The following NTM variants were observed in gnomAD, a reference collection of about 807,000 sequenced individuals.
NTM encodes IgLON family member 2.
In NTM, 13 loss-of-function variants were observed where a neutral mutation model predicts 42.1. The observed-to-expected ratio is 0.31, with a 90% CI of 0.20 to 0.49. The LOEUF (loss-of-function observed/expected upper bound fraction) is 0.49. Ranked by LOEUF, NTM falls within the 20% of genes least tolerant of loss-of-function variation. The pLI is 0.99. For missense variants in NTM, 373 were observed against 452.8 expected (o/e 0.82, Z 1.60); for synonymous variants, 187 against 179.2 (o/e 1.04, Z -0.35).
At chr11:132,179,779 A>T (rs1025026600) in intron 3 of NTM, among the ~76,000 whole-genome samples, 2 of 152,156 alleles carry the variant, frequency 1.3e-5, no homozygotes, top group African/African-American at 4.8e-5. Context: ...GCAGGGACTC[A>T]TGGGGCTTGG....
intron 2 of NTM, among the ~76,000 whole-genome samples, chr11:132,013,504 G>T (rs1253689950): frequency 6.6e-6 from 1 of 152,122 alleles, no homozygotes; most frequent in East Asian, 1.9e-4. Context: ...GGACTTGGGA[G>T]AAACAAGGAG....
intron 2 of NTM, among the ~76,000 whole-genome samples, chr11:131,969,794 TAAAG>T (rs764360546): frequency 3.9e-5 from 6 of 152,346 alleles, no homozygotes; most frequent in South Asian, 2.1e-4. Flanking sequence ...CATTTTAGTA[TAAAG>T]AAAGAGCGAT....
chr11:132,185,753 T>G (rs577211705), intron 3 of NTM, among the ~76,000 whole-genome samples: 1 of 152,320 alleles, frequency 6.6e-6, no homozygotes, highest in South Asian at 2.1e-4. Context: ...AAGTTAGTTC[T>G]CAAGAGCATA....
At chr11:132,137,117 T>C (rs950042529) in intron 2 of NTM, among the ~76,000 whole-genome samples, 8 of 152,188 alleles carry the variant, frequency 5.3e-5, no homozygotes, top group African/African-American at 1.9e-4. Context: ...GTTTAATCAG[T>C]GTAATTGCAA....
intron 2 of NTM, among the ~76,000 whole-genome samples, chr11:132,038,895 C>G (rs925259067): frequency 4.6e-5 from 7 of 152,216 alleles, no homozygotes. Flanking sequence ...GTCTCCACCT[C>G]CACAATGCTC....
At chr11:131,642,099 C>A (rs1440390967) in intron 1 of NTM, among the ~76,000 whole-genome samples, 1 of 152,166 alleles carries the variant, frequency 6.6e-6, no homozygotes, top group African/African-American at 2.4e-5. Context: ...AGGAGATACT[C>A]ACTAAAATTC....
intron 1 of NTM, among the ~76,000 whole-genome samples, chr11:131,700,266 T>C (rs2075941552): frequency 2.0e-5 from 3 of 152,222 alleles, no homozygotes; most frequent in African/African-American, 7.2e-5. Flanking sequence ...CTTCCTTTTG[T>C]TGAAACTTCA....
At chr11:131,507,412 C>A (rs1382714061) in intron 1 of NTM, among the ~76,000 whole-genome samples, 1 of 151,380 alleles carries the variant, frequency 6.6e-6, no homozygotes, top group South Asian at 2.1e-4. Flanking sequence ...TTCCATTGAT[C>A]TATATCTCTG....
In NTM at chr11:132,235,485, T is replaced by C. The variant is rs143661195; in HGVS notation, c.526+23338T>C. On this transcript the variant is annotated intron_variant, in intron 4 of 8. Transcript: ENST00000683400. ...TTAGCAGATGCCTAGAATGTAGTAC[T>C]TTTGGTAGCACTGAAATAGGAGAAA... 1.9e-4 allele frequency among the ~76,000 whole-genome samples: 29 copies of C among 152,318 alleles called. No homozygotes were observed. The East Asian group carries it at 5.0e-3, about 26-fold the overall frequency.
intron 1 of NTM, among the ~76,000 whole-genome samples, chr11:131,838,015 A>G (rs2043735368): frequency 6.6e-6 from 1 of 152,198 alleles, no homozygotes; most frequent in Admixed American, 6.5e-5. Flanking sequence ...CGGTGAAATG[A>G]GTTCTTAATA....
At chr11:131,556,087 G>A (rs1030673257) in intron 1 of NTM, among the ~76,000 whole-genome samples, 2 of 152,322 alleles carry the variant, frequency 1.3e-5, no homozygotes, top group Non-Finnish European at 2.9e-5. Context: ...GAGCTGTCAT[G>A]GTGGAGACAT....
chr11:132,331,239 A>G (rs2095795931), intron 8 of NTM, among the ~76,000 whole-genome samples: 1 of 152,228 alleles, frequency 6.6e-6, no homozygotes, highest in Non-Finnish European at 1.5e-5. Context: ...TCCACATGGT[A>G]GAAAGGGAGA....
chr11:131,453,105 G>C (rs952706175), intron 1 of NTM, among the ~76,000 whole-genome samples: 1 of 152,180 alleles, frequency 6.6e-6, no homozygotes, highest in African/African-American at 2.4e-5. Flanking sequence ...GAATCTCTAA[G>C]TCCTCCCTTC....
At position 131,795,472 on chromosome 11, in the gene NTM, T is replaced by C. The variant is rs567080284; in HGVS notation, c.83-116092T>C. 75 of 985,438 alleles carry C rather than the reference T, an allele frequency of 7.6e-5. 1 individual carries two copies. In the African/African-American group the frequency reaches 1.2e-3, roughly 16 times the overall value. 61.0% of individuals were successfully genotyped at this position (985,438 alleles called of 1,614,324 possible). ...CTTGATATGCAGCTTGTGGAAATGA[T>C]ACCTGGTTGCCTCCAAGCTGCCCTT... is the stretch of plus-strand genomic sequence containing the variant. On this transcript the variant is annotated intron_variant, in intron 1 of 8. Transcript: ENST00000683400.
intron 1 of NTM, among the ~76,000 whole-genome samples, chr11:131,401,836 A>ATATGTG (rs1945250263): frequency 1.1e-5 from 1 of 87,136 alleles, no homozygotes; most frequent in Non-Finnish European, 2.4e-5. Context: ...ATATATATAT[A>ATATGTG]TATATATATA....
At chr11:132,255,735 A>G (rs2092416366) in intron 4 of NTM, among the ~76,000 whole-genome samples, 1 of 152,142 alleles carries the variant, frequency 6.6e-6, no homozygotes, top group Admixed American at 6.5e-5. Context: ...CTTGGCTGGA[A>G]TGTGGTTCAG....
intron 1 of NTM, among the ~76,000 whole-genome samples, chr11:131,855,311 G>A (rs2045984144): frequency 6.6e-6 from 1 of 152,048 alleles, no homozygotes; most frequent in Admixed American, 6.5e-5. Flanking sequence ...GGTTATTTTG[G>A]GTATGTCCAT....
intron 1 of NTM, among the ~76,000 whole-genome samples, chr11:131,897,842 AG>A (rs1298764968): frequency 6.6e-6 from 1 of 152,228 alleles, no homozygotes; most frequent in African/African-American, 2.4e-5. Context: ...AGTTTTTAAA[AG>A]ATATTAAAGG....
intron 3 of NTM, among the ~76,000 whole-genome samples, chr11:132,167,757 G>A (rs1473964324): frequency 6.6e-6 from 1 of 152,142 alleles, no homozygotes; most frequent in African/African-American, 2.4e-5. Flanking sequence ...CTTGTTCAAG[G>A]TGGATATGTG....
Sources: gnomAD v4.1 joint callset for allele counts (sites outside exome capture counted in the v4.1 genomes callset) on GRCh38, gnomAD v4.1.1 for gene constraint, MANE v1.5 for transcripts, NCBI Gene and HGNC (gene_info 2026-07-23, HGNC 2026-07-21) for gene names.